LRMDA: variants seen among roughly 807,000 people sequenced by gnomAD.
LRMDA encodes leucine rich melanocyte differentiation associated, also known as leucine-rich melanocyte differentiation-associated protein.
Under a neutral mutation model 29.8 loss-of-function variants are expected in LRMDA, and 18 were observed. The observed-to-expected ratio is 0.60, with a 90% CI of 0.42 to 0.90. LRMDA has a LOEUF of 0.90. Among genes scored for constraint, LRMDA ranks in the 40% least tolerant of loss-of-function variants. The pLI is 0.00. For missense variants in LRMDA, 273 were observed against 273.9 expected (o/e 1.00, Z 0.02); for synonymous variants, 125 against 109.4 (o/e 1.14, Z -0.89).
At chr10:75,486,775 G>A (rs1844920064) in intron 2 of LRMDA, among the ~76,000 whole-genome samples, 1 of 152,172 alleles carries the variant, frequency 6.6e-6, no homozygotes, top group Non-Finnish European at 1.5e-5. Flanking sequence ...CATGGGGCCA[G>A]TTGTCTCCAT....
chr10:76,142,228 G>T (rs1421499545), intron 5 of LRMDA, among the ~76,000 whole-genome samples: 1 of 151,874 alleles, frequency 6.6e-6, no homozygotes, highest in Admixed American at 6.6e-5. Context: ...ATAATTCTTG[G>T]TTTATGACAC....
chr10:75,609,314 T>G (rs750683374), intron 2 of LRMDA, among the ~76,000 whole-genome samples: 1 of 152,192 alleles, frequency 6.6e-6, no homozygotes, highest in Non-Finnish European at 1.5e-5. Context: ...GGGCTGTTCA[T>G]GAGTGAAGTG....
At chr10:76,065,833 C>G (rs1032281104) in intron 5 of LRMDA, among the ~76,000 whole-genome samples, 1 of 152,200 alleles carries the variant, frequency 6.6e-6, no homozygotes. Flanking sequence ...CAATGGGATG[C>G]GAGTGGAAGT....
chr10:76,390,792 C>T (rs890671231), intron 6 of LRMDA, among the ~76,000 whole-genome samples: 3 of 152,154 alleles, frequency 2.0e-5, no homozygotes, highest in Admixed American at 6.5e-5. Context: ...TTGTCAGCCC[C>T]CTTCCCCTCT....
intron 2 of LRMDA, among the ~76,000 whole-genome samples, chr10:75,813,666 A>G (rs529707254): frequency 6.6e-6 from 1 of 152,166 alleles, no homozygotes; most frequent in Admixed American, 6.5e-5. Context: ...TATACAATAT[A>G]TGTTTTGTTT....
intron 6 of LRMDA, among the ~76,000 whole-genome samples, chr10:76,477,100 G>A (rs1366704197): frequency 2.0e-5 from 3 of 152,122 alleles, no homozygotes; most frequent in Admixed American, 6.5e-5. Flanking sequence ...AGGAAAAGAG[G>A]AAGTCTAATT....
chr10:76,323,403 G>T (rs1364819139), intron 5 of LRMDA, among the ~76,000 whole-genome samples: 1 of 152,050 alleles, frequency 6.6e-6, no homozygotes, highest in Non-Finnish European at 1.5e-5. Context: ...GCTCCGGAAA[G>T]AAAAATGTAG....
At chr10:76,287,577 A>G (rs1840288315) in intron 5 of LRMDA, among the ~76,000 whole-genome samples, 1 of 152,138 alleles carries the variant, frequency 6.6e-6, no homozygotes, top group Admixed American at 6.6e-5. Flanking sequence ...TTATAATAAA[A>G]TAATATTTAT....
chr10:75,913,031 G>T (rs1326812812), intron 2 of LRMDA, among the ~76,000 whole-genome samples: 1 of 152,152 alleles, frequency 6.6e-6, no homozygotes, highest in Non-Finnish European at 1.5e-5. Context: ...TAGCTTTAGA[G>T]ATGCATCATG....
chr10:76,265,188 T>C (rs1039848688), intron 5 of LRMDA, among the ~76,000 whole-genome samples: 1 of 152,230 alleles, frequency 6.6e-6, no homozygotes, highest in African/African-American at 2.4e-5. Flanking sequence ...GGTCCGTTTA[T>C]GTCTTTCCTC....
chr10:75,845,969 C>G (rs1364263369), intron 2 of LRMDA, among the ~76,000 whole-genome samples: 1 of 152,130 alleles, frequency 6.6e-6, no homozygotes, highest in Non-Finnish European at 1.5e-5. Flanking sequence ...ACTTGGCAGC[C>G]TAGCACCAAA....
chr10:75,487,101 T>C (rs1293102701), intron 2 of LRMDA, among the ~76,000 whole-genome samples: 1 of 152,220 alleles, frequency 6.6e-6, no homozygotes, highest in African/African-American at 2.4e-5. Context: ...ACACTGTTGA[T>C]AAATCAAATG....
At chr10:76,407,053 C>T (rs1235998180) in intron 6 of LRMDA, among the ~76,000 whole-genome samples, 1 of 152,112 alleles carries the variant, frequency 6.6e-6, no homozygotes, top group Non-Finnish European at 1.5e-5. Flanking sequence ...AGATCCAGTC[C>T]ATGCCTCAAA....
Position 76,510,463 on chromosome 10 carries a change from G to T in LRMDA, c.602-46746G>T, listed in dbSNP as rs187789766. 7.2e-5 allele frequency among the ~76,000 whole-genome samples: 11 copies of T among 152,150 alleles called. No homozygotes were observed. In the East Asian group the frequency reaches 2.1e-3, roughly 29 times the overall value. Reference sequence around the variant, plus strand: ...AATCACTTTTTCCTATCAAAAAGCAGAAAAATGAGCCATGATGATTGGAAT... The same window carrying T: ...AATCACTTTTTCCTATCAAAAAGCATAAAAATGAGCCATGATGATTGGAAT... On this transcript the variant is annotated intron_variant, in intron 6 of 6. Coordinates refer to ENST00000611255, the MANE Select transcript of LRMDA (RefSeq NM_001305581.2).
intron 2 of LRMDA, among the ~76,000 whole-genome samples, chr10:75,770,360 A>G (rs961721597): frequency 3.3e-5 from 5 of 152,352 alleles, no homozygotes; most frequent in African/African-American, 1.2e-4. Context: ...GTTGCACAAC[A>G]GTATGAATAT....
At chr10:76,366,160 G>A (rs566056357) in intron 6 of LRMDA, among the ~76,000 whole-genome samples, 1 of 152,278 alleles carries the variant, frequency 6.6e-6, no homozygotes, top group South Asian at 2.1e-4. Context: ...ACTATAGTTT[G>A]AAAACAGGTA....
chr10:76,000,691 A>C (rs145761281), intron 2 of LRMDA, among the ~76,000 whole-genome samples: 1 of 152,330 alleles, frequency 6.6e-6, no homozygotes, highest in East Asian at 1.9e-4. Flanking sequence ...AGGTGGCCTC[A>C]CATGTTGGGA....
intron 3 of LRMDA, among the ~76,000 whole-genome samples, chr10:76,042,957 G>C (rs1023993687): frequency 1.3e-5 from 2 of 151,894 alleles, no homozygotes; most frequent in African/African-American, 4.8e-5. Context: ...GGACATTTTG[G>C]CCGGGCACAG....
chr10:75,604,096 G>T (rs1840923140), intron 2 of LRMDA, among the ~76,000 whole-genome samples: 1 of 152,084 alleles, frequency 6.6e-6, no homozygotes, highest in South Asian at 2.1e-4. Flanking sequence ...GTTGGATTGT[G>T]ACCCCCCAAT....
Sources: gnomAD v4.1 joint callset for allele counts (sites outside exome capture counted in the v4.1 genomes callset) on GRCh38, gnomAD v4.1.1 for gene constraint, MANE v1.5 for transcripts, NCBI Gene and HGNC (gene_info 2026-07-23, HGNC 2026-07-21) for gene names.